The following ENAH variants were observed in gnomAD, a reference collection of about 807,000 sequenced individuals.
The protein encoded by ENAH is ENAH actin regulator.
In ENAH, 23 loss-of-function variants were observed where a neutral mutation model predicts 78.7. That is an observed-to-expected ratio of 0.29 (90% CI 0.21 to 0.41). The LOEUF (loss-of-function observed/expected upper bound fraction) is 0.41. ENAH is among the 10% of genes least tolerant of loss of function. The probability of loss-of-function intolerance (pLI) is 1.00; values close to 1 mark genes in which losing one functional copy is unlikely to be tolerated. For missense variants in ENAH, 544 were observed against 691.0 expected, an observed-to-expected ratio of 0.79 and a Z score of 2.39; for synonymous variants, 226 against 241.0, an observed-to-expected ratio of 0.94 and a Z score of 0.58.
intron 1 of ENAH, among the ~76,000 whole-genome samples, chr1:225,613,430 T>C (rs1212450973): frequency 1.3e-5 from 2 of 152,246 alleles, no homozygotes; most frequent in African/African-American, 2.4e-5. Flanking sequence ...GAACAGTGCC[T>C]GGTGGTAATA....
rs563062644 is a variant in ENAH, at chr1:225,519,057, T to G, written c.802+141A>C. The G allele has an allele frequency of 2.2e-5, 28 of 1,260,850 alleles. No homozygotes were observed. The African/African-American group carries it at 3.1e-4, about 14-fold the overall frequency. 78.1% of individuals were successfully genotyped at this position (1,260,850 alleles called of 1,614,324 possible). Reference sequence around the variant, plus strand: ...AAAAAGAAAATGTTAAAGTAGTAATTGCTGCATATTTATTCATAATTTCAA... The same window carrying G: ...AAAAAGAAAATGTTAAAGTAGTAATGGCTGCATATTTATTCATAATTTCAA... On this transcript the variant is annotated intron_variant, in intron 5 of 13. Transcript: ENST00000366843.
At chr1:225,630,746 G>C (rs1008133761) in intron 1 of ENAH, among the ~76,000 whole-genome samples, 2 of 152,092 alleles carry the variant, frequency 1.3e-5, no homozygotes, top group Admixed American at 6.6e-5. Context: ...ATCAATAAAA[G>C]GGTTTTTTGG....
At chr1:225,498,489 T>A in intron 12 of ENAH, 85 bp from the exon 13 acceptor site, 2 of 789,828 alleles carry the variant, frequency 2.5e-6, no homozygotes, top group Non-Finnish European at 4.0e-6. Context: ...AAGAATGTCA[T>A]GAAATATGAT....
At chr1:225,586,085 G>T (rs371640808) in intron 1 of ENAH, among the ~76,000 whole-genome samples, 1 of 151,886 alleles carries the variant, frequency 6.6e-6, no homozygotes, top group South Asian at 2.1e-4. Context: ...GCATGGCTGC[G>T]TGCACCCGTA....
intron 1 of ENAH, among the ~76,000 whole-genome samples, chr1:225,583,617 C>G (rs1331272492): frequency 1.3e-5 from 2 of 151,164 alleles, no homozygotes; most frequent in East Asian, 3.9e-4. Flanking sequence ...TCATGACCAG[C>G]CTAACATGGT....
intron 1 of ENAH, among the ~76,000 whole-genome samples, chr1:225,629,708 C>T (rs1053702084): frequency 1.3e-5 from 2 of 151,968 alleles, no homozygotes; most frequent in African/African-American, 4.8e-5. Context: ...TCTGCAAAAA[C>T]TCATCCCTAT....
intron 1 of ENAH, among the ~76,000 whole-genome samples, chr1:225,568,704 C>T (rs2096746876): frequency 6.6e-6 from 1 of 152,238 alleles, no homozygotes; most frequent in Non-Finnish European, 1.5e-5. Context: ...GCTCGTGCAT[C>T]TGCCCCACCT....
rs1218410584 is a variant in ENAH at position 225,651,907 on chromosome 1, T to G, written c.5+779A>C. The stretch of plus-strand genomic sequence containing the variant: ...TTCATCGTATCAATTAAAAAAATAT[T>G]TTACGACAGTACATTCAATTCTTCG... On this transcript the variant is annotated intron_variant, in intron 1 of 13. Coordinates refer to ENST00000366843, the MANE Select transcript of ENAH (RefSeq NM_018212.6). Among the ~76,000 whole-genome samples, 5 of 152,302 alleles carry G rather than the reference T, an allele frequency of 3.3e-5. No homozygotes were observed. In the East Asian group the frequency reaches 9.6e-4, roughly 29 times the overall value.
At chr1:225,516,259 A>G (rs1011106896) in intron 6 of ENAH, among the ~76,000 whole-genome samples, 1 of 152,168 alleles carries the variant, frequency 6.6e-6, no homozygotes, top group African/African-American at 2.4e-5. Context: ...ACTTATTGTA[A>G]TTTTGGACCT....
intron 1 of ENAH, among the ~76,000 whole-genome samples, chr1:225,598,922 C>T (rs1397621822): frequency 1.3e-5 from 2 of 151,496 alleles, no homozygotes; most frequent in African/African-American, 4.9e-5. Flanking sequence ...CAAAGCATCA[C>T]TCTACAGTCC....
At chr1:225,592,881 A>G (rs1474280565) in intron 1 of ENAH, among the ~76,000 whole-genome samples, 1 of 152,160 alleles carries the variant, frequency 6.6e-6, no homozygotes, top group African/African-American at 2.4e-5. Context: ...TAAAAGTTGT[A>G]AAATTCTGTC....
At chr1:225,640,798 TGAA>T (rs35913785) in intron 1 of ENAH, among the ~76,000 whole-genome samples, 8,862 of 151,838 alleles carry the variant, frequency 0.058, 285 homozygotes, top group African/African-American at 0.098. Context: ...CTAAGAAAAC[TGAA>T]GAATATAAAT....
At chr1:225,590,485 A>T (rs2096870363) in intron 1 of ENAH, among the ~76,000 whole-genome samples, 1 of 152,074 alleles carries the variant, frequency 6.6e-6, no homozygotes, top group African/African-American at 2.4e-5. Context: ...GCAAATAGGT[A>T]TTTACAGTCC....
intron 11 of ENAH, among the ~76,000 whole-genome samples, chr1:225,506,654 C>A (rs1199410961): frequency 6.6e-6 from 1 of 152,148 alleles, no homozygotes; most frequent in Non-Finnish European, 1.5e-5. Context: ...AAAGCAATTC[C>A]CCCTTTCTTC....
chr1:225,533,900 C>T (rs912701191), intron 3 of ENAH, among the ~76,000 whole-genome samples: 3 of 152,050 alleles, frequency 2.0e-5, no homozygotes, highest in Non-Finnish European at 2.9e-5. Flanking sequence ...ATACACAATA[C>T]AATCAAGTTT....
chr1:225,564,320 G>A (rs1011116138), intron 2 of ENAH, among the ~76,000 whole-genome samples: 4 of 151,610 alleles, frequency 2.6e-5, no homozygotes, highest in Admixed American at 1.3e-4. Context: ...ATGGTGTTTC[G>A]CTCTTGTTGC....
intron 3 of ENAH, among the ~76,000 whole-genome samples, chr1:225,551,190 G>A (rs547071024): frequency 7.4e-4 from 113 of 152,216 alleles, no homozygotes; most frequent in Non-Finnish European, 1.2e-3. Context: ...AAAAATGTTA[G>A]AACATGTGAT....
chr1:225,653,547 A>C (rs1254314814), upstream of ENAH, among the ~76,000 whole-genome samples: 3 of 147,962 alleles, frequency 2.0e-5, no homozygotes, highest in African/African-American at 5.0e-5. The surrounding 1 kb of genome is among the most constrained non-coding windows in gnomAD (Gnocchi z 4.3). Context: ...GGCCTCCCCC[A>C]CGGCCACGGT....
intron 11 of ENAH, among the ~76,000 whole-genome samples, chr1:225,503,658 C>CAAAAAAAAA (rs10683254): frequency 2.4e-4 from 20 of 82,922 alleles, no homozygotes; most frequent in East Asian, 6.5e-4. Flanking sequence ...CAAACCACCT[C>CAAAAAAAAA]AAAAAAAAAA....
Sources: gnomAD v4.1 joint callset for allele counts (sites outside exome capture counted in the v4.1 genomes callset) on GRCh38, gnomAD v4.1.1 for gene constraint, Gnocchi (gnomAD v3.1) non-coding constraint, MANE v1.5 for transcripts, NCBI Gene and HGNC (gene_info 2026-07-23, HGNC 2026-07-21) for gene names.